ASB3: variants seen among roughly 807,000 people sequenced by gnomAD.
ASB3 encodes ankyrin repeat and SOCS box containing 3.
A neutral mutation model predicts 54.5 loss-of-function variants in ASB3; 41 were observed. The observed-to-expected ratio is 0.75, with a 90% confidence interval of 0.59 to 0.98. ASB3 has a LOEUF of 0.98. Ranked by LOEUF, ASB3 falls within the 50% of genes least tolerant of loss-of-function variation. The probability of loss-of-function intolerance (pLI) is 0.00; values close to 1 mark genes in which losing one functional copy is unlikely to be tolerated. For missense variants in ASB3, 733 were observed against 620.0 expected (o/e 1.18, Z -1.94); for synonymous variants, 266 against 221.2 (o/e 1.20, Z -1.80).
chr2:53,722,202 A>G (rs1572907230), intron 5 of ASB3, among the ~76,000 whole-genome samples: 3 of 152,064 alleles, frequency 2.0e-5, no homozygotes, highest in African/African-American at 7.2e-5. Flanking sequence ...CTACCAACCA[A>G]AAGTCCTGGA....
At chr2:53,740,062 C>T (rs1026864728) in intron 3 of ASB3, among the ~76,000 whole-genome samples, 2 of 152,196 alleles carry the variant, frequency 1.3e-5, no homozygotes, top group African/African-American at 4.8e-5. Flanking sequence ...TAACCACAGG[C>T]TGTCCATCTC....
intron 7 of ASB3, among the ~76,000 whole-genome samples, chr2:53,705,364 A>C (rs1286108372): frequency 6.6e-6 from 1 of 152,184 alleles, no homozygotes; most frequent in Non-Finnish European, 1.5e-5. Flanking sequence ...CAAAGAGCAA[A>C]ATTTCTAAGA....
intron 2 of ASB3, among the ~76,000 whole-genome samples, chr2:53,759,730 G>C (rs921590539): frequency 6.6e-6 from 1 of 152,184 alleles, no homozygotes; most frequent in Non-Finnish European, 1.5e-5. Context: ...TGTCCGAATA[G>C]AAATAAGCCT....
intron 3 of ASB3, among the ~76,000 whole-genome samples, chr2:53,731,683 C>T (rs752410474): frequency 6.6e-6 from 1 of 152,134 alleles, no homozygotes; most frequent in South Asian, 2.1e-4. Flanking sequence ...AGACAAGCCT[C>T]GCTCTGTCGC....
chr2:53,704,582 G>A (rs1669669414), intron 7 of ASB3, among the ~76,000 whole-genome samples: 1 of 151,908 alleles, frequency 6.6e-6, no homozygotes, highest in African/African-American at 2.4e-5. Context: ...CTGGTTATAT[G>A]ACCCTCTTGA....
chr2:53,780,102 C>G (rs934360312), intron 1 of ASB3, among the ~76,000 whole-genome samples: 2 of 152,148 alleles, frequency 1.3e-5, no homozygotes, highest in Non-Finnish European at 2.9e-5. Flanking sequence ...AATACACGCT[C>G]TACTGTGCAC....
At chr2:53,704,943 G>T (rs1669688557) in intron 7 of ASB3, among the ~76,000 whole-genome samples, 3 of 152,128 alleles carry the variant, frequency 2.0e-5, no homozygotes, top group African/African-American at 7.2e-5. Context: ...GCCTTTTGAA[G>T]CCATTTAATT....
At chr2:53,726,844 C>T (rs181726050) in intron 5 of ASB3, among the ~76,000 whole-genome samples, 1 of 152,028 alleles carries the variant, frequency 6.6e-6, no homozygotes, top group Non-Finnish European at 1.5e-5. Flanking sequence ...CAGGTGCGTG[C>T]CACCACACCG....
At chr2:53,677,761 T>A (rs1361517701) in intron 9 of ASB3, among the ~76,000 whole-genome samples, 1 of 152,120 alleles carries the variant, frequency 6.6e-6, no homozygotes, top group Non-Finnish European at 1.5e-5. Context: ...ACTTAAAACA[T>A]TGAGAAAAAA....
rs1009110923 is a variant in ASB3 at position 53,669,986 on chromosome 2, A to C, written c.*517T>G. 6.6e-6 allele frequency: 1 copy of C among 151,332 alleles called. No individual in the cohort carries two copies. The highest frequency in any genetic ancestry group is 2.4e-5 in the African/African-American group (1 of 41,218). The allele number at this position is 151,332 out of a possible 1,614,324, so 9.4% of individuals were successfully genotyped here. On this transcript the variant is annotated 3_prime_UTR_variant, in exon 10 of 10. Coordinates refer to ENST00000263634, the MANE Select transcript of ASB3 (RefSeq NM_016115.5). ...AAAAAAAAAAGCAACTGAATAGGAA[A>C]ACATGTTCTTTAATAAACATAAGAG...
intron 3 of ASB3, 46 bp downstream of exon 3, chr2:53,750,734 AAAT>A (rs775087671): frequency 4.2e-6 from 6 of 1,429,104 alleles, no homozygotes; most frequent in African/African-American, 1.5e-5. Context: ...TTTAACAAAA[AAAT>A]AATAATGATG....
At chr2:53,673,273 C>T (rs1261765540) in intron 9 of ASB3, among the ~76,000 whole-genome samples, 2 of 152,158 alleles carry the variant, frequency 1.3e-5, no homozygotes, top group African/African-American at 4.8e-5. Context: ...ACTTACTACA[C>T]AACCAGAAGG....
chr2:53,716,506 T>C (rs1670400067), intron 6 of ASB3, 60 bp downstream of exon 6: 3 of 1,570,788 alleles, frequency 1.9e-6, no homozygotes, highest in Admixed American at 1.8e-5. Context: ...CTAGCCCAGA[T>C]TTATTCTTTA....
At chr2:53,723,194 G>A (rs576123731) in intron 5 of ASB3, among the ~76,000 whole-genome samples, 9 of 152,186 alleles carry the variant, frequency 5.9e-5, no homozygotes, top group African/African-American at 2.2e-4. Flanking sequence ...AATCATAGAT[G>A]ACACAAACAA....
chr2:53,759,025 T>A (rs187945702), intron 2 of ASB3, among the ~76,000 whole-genome samples: 7 of 152,198 alleles, frequency 4.6e-5, no homozygotes, highest in African/African-American at 1.4e-4. Flanking sequence ...TAGACAGATA[T>A]AATGTTGCTG....
chr2:53,684,169 C>A (rs1179640359), intron 9 of ASB3, among the ~76,000 whole-genome samples: 2 of 152,152 alleles, frequency 1.3e-5, no homozygotes, highest in Admixed American at 6.5e-5. Context: ...GAATTAATAA[C>A]TAGATTCGTA....
intron 7 of ASB3, among the ~76,000 whole-genome samples, chr2:53,712,307 G>C (rs1043731607): frequency 2.2e-4 from 34 of 152,088 alleles, no homozygotes; most frequent in Middle Eastern, 3.4e-3. Flanking sequence ...TTTCCCATTA[G>C]GTTTTAAATT....
At chr2:53,671,899 G>T (rs1667843117) in intron 9 of ASB3, among the ~76,000 whole-genome samples, 1 of 152,136 alleles carries the variant, frequency 6.6e-6, no homozygotes, top group Non-Finnish European at 1.5e-5. Context: ...ATAAATCCCT[G>T]TGAAATTTAA....
At chr2:53,710,398 C>A (rs979834460) in intron 7 of ASB3, among the ~76,000 whole-genome samples, 4 of 151,882 alleles carry the variant, frequency 2.6e-5, no homozygotes, top group African/African-American at 4.8e-5. Flanking sequence ...TTCATTTTTT[C>A]CAGTGTGTTA....
Sources: allele counts gnomAD v4.1 joint callset (sites outside exome capture counted in the v4.1 genomes callset), GRCh38; gene constraint gnomAD v4.1.1; transcripts MANE v1.5; gene names NCBI Gene and HGNC (gene_info 2026-07-23, HGNC 2026-07-21).